CCDC102B: variants seen among roughly 807,000 people sequenced by gnomAD.
The protein encoded by CCDC102B is coiled-coil domain containing 102B.
CCDC102B carries 75 observed loss-of-function variants against 57.4 expected under a neutral mutation model. That is an observed-to-expected ratio of 1.31 (90% CI 1.08 to 1.58). The LOEUF is 1.58. Ranked by LOEUF, CCDC102B falls within the 40% of genes most tolerant of loss-of-function variation. The probability of loss-of-function intolerance (pLI) is 0.00; values close to 1 mark genes in which losing one functional copy is unlikely to be tolerated. For synonymous variants in CCDC102B, 206 were observed against 201.9 expected, an observed-to-expected ratio of 1.02 and a Z score of -0.17; for missense variants, 636 against 582.6, an observed-to-expected ratio of 1.09 and a Z score of -0.94.
chr18:68,834,426 T>C (rs2037274396), intron 1 of CCDC102B, among the ~76,000 whole-genome samples: 1 of 70,664 alleles, frequency 1.4e-5, no homozygotes, highest in Non-Finnish European at 2.6e-5. Flanking sequence ...GTTGTATATG[T>C]AAATACATAT....
intron 1 of CCDC102B, among the ~76,000 whole-genome samples, chr18:68,807,157 A>G (rs368740649): frequency 8.4e-4 from 128 of 152,254 alleles, no homozygotes; most frequent in Middle Eastern, 3.4e-3. Context: ...TCATATTTAC[A>G]TACTTATGTT....
intron 6 of CCDC102B, among the ~76,000 whole-genome samples, chr18:68,954,045 T>C (rs2049774413): frequency 6.6e-6 from 1 of 152,166 alleles, no homozygotes; most frequent in Non-Finnish European, 1.5e-5. Context: ...AATTTTAGTT[T>C]ACTAGATAAT....
chr18:69,023,077 GA>G (rs774912867), intron 7 of CCDC102B, among the ~76,000 whole-genome samples: 22 of 152,036 alleles, frequency 1.4e-4, no homozygotes, highest in Non-Finnish European at 2.8e-4. Context: ...CAAGGCAAAT[GA>G]AAAATACAAA....
intron 6 of CCDC102B, among the ~76,000 whole-genome samples, chr18:68,949,491 T>C (rs1031807798): frequency 1.3e-5 from 2 of 152,134 alleles, no homozygotes; most frequent in African/African-American, 4.8e-5. Context: ...GCTTGTTTTA[T>C]CTGAGGCACA....
intron 6 of CCDC102B, among the ~76,000 whole-genome samples, chr18:68,934,053 A>G (rs1007847525): frequency 6.6e-6 from 1 of 151,886 alleles, no homozygotes; most frequent in Admixed American, 6.6e-5. Context: ...TACTGATGAA[A>G]AATTATGTCA....
intron 2 of CCDC102B, among the ~76,000 whole-genome samples, chr18:68,773,147 T>C (rs887720629): frequency 7.2e-5 from 11 of 152,016 alleles, no homozygotes; most frequent in African/African-American, 2.7e-4. Context: ...ATTTTCATTC[T>C]TGGAAACAAC....
chr18:69,024,454 A>T (rs1203095084), intron 7 of CCDC102B, among the ~76,000 whole-genome samples: 1 of 152,090 alleles, frequency 6.6e-6, no homozygotes, highest in Non-Finnish European at 1.5e-5. Flanking sequence ...TAGAGCTATA[A>T]GTATTTGTGC....
chr18:68,828,954 C>T (rs1187304144), intron 1 of CCDC102B, among the ~76,000 whole-genome samples: 1 of 151,774 alleles, frequency 6.6e-6, no homozygotes, highest in Non-Finnish European at 1.5e-5. Flanking sequence ...TGAAAAGTGG[C>T]TTTTCTGGCT....
At chr18:68,718,962 A>G (rs1457360751) in intron 2 of CCDC102B, among the ~76,000 whole-genome samples, 2 of 152,214 alleles carry the variant, frequency 1.3e-5, no homozygotes. Flanking sequence ...TTATTTATTC[A>G]GTATACTAAT....
chr18:68,830,433 T>C (rs768396711), intron 1 of CCDC102B, among the ~76,000 whole-genome samples: 12 of 152,050 alleles, frequency 7.9e-5, no homozygotes, highest in Admixed American at 3.3e-4. Context: ...AGAAATATTT[T>C]GGCTTTTTTA....
At chr18:68,777,676 A>T (rs2086824070) in intron 2 of CCDC102B, among the ~76,000 whole-genome samples, 3 of 152,170 alleles carry the variant, frequency 2.0e-5, no homozygotes, top group South Asian at 2.1e-4. Context: ...GGTATAAATG[A>T]TAAGCTATTC....
intron 5 of CCDC102B, among the ~76,000 whole-genome samples, chr18:68,888,318 C>G (rs1004854898): frequency 2.0e-5 from 3 of 152,156 alleles, no homozygotes; most frequent in African/African-American, 7.2e-5. Flanking sequence ...GATTCTCTCA[C>G]TATTTCCCCA....
In CCDC102B at chr18:68,812,176, T is replaced by G. The variant is rs1393323278; in HGVS notation, c.-16+13995T>G. ...GGTTTACAGAAAACAAAAGCAGATT[T>G]TCATATTTCCCTTAGGAGGATTAAC... On this transcript the variant is annotated intron_variant, in intron 1 of 7. Transcript: ENST00000360242. Among the ~76,000 whole-genome samples the G allele has an allele frequency of 2.6e-5, 4 of 152,042 alleles. No individual in the cohort carries two copies. The East Asian group carries it at 7.7e-4, about 29-fold the overall frequency.
At chr18:69,049,161 G>C (rs2052640289) in intron 7 of CCDC102B, among the ~76,000 whole-genome samples, 1 of 151,804 alleles carries the variant, frequency 6.6e-6, no homozygotes, top group African/African-American at 2.4e-5. Flanking sequence ...ATCTACATTA[G>C]GTATCTCTCC....
At chr18:68,821,641 T>C (rs959041065) in intron 1 of CCDC102B, among the ~76,000 whole-genome samples, 1 of 151,824 alleles carries the variant, frequency 6.6e-6, no homozygotes, top group African/African-American at 2.4e-5. Flanking sequence ...GTTCTTTCTT[T>C]TCCTTCTTTT....
At chr18:68,930,790 G>A (rs1015628921) in intron 6 of CCDC102B, among the ~76,000 whole-genome samples, 2 of 151,808 alleles carry the variant, frequency 1.3e-5, no homozygotes, top group Non-Finnish European at 2.9e-5. Flanking sequence ...ATCTTCAATA[G>A]GCTCTATGGT....
At chr18:68,898,748 G>A (rs2040329512) in intron 6 of CCDC102B, among the ~76,000 whole-genome samples, 1 of 152,038 alleles carries the variant, frequency 6.6e-6, no homozygotes, top group Admixed American at 6.6e-5. Flanking sequence ...AGTCTATATA[G>A]GGAGTCAAAC....
intron 6 of CCDC102B, among the ~76,000 whole-genome samples, chr18:69,009,412 C>T (rs756333130): frequency 2.0e-5 from 3 of 152,196 alleles, no homozygotes; most frequent in Middle Eastern, 3.4e-3. Flanking sequence ...CCCTGGTCAC[C>T]ACTACAATTT....
At chr18:68,809,117 A>T (rs984160694) in intron 1 of CCDC102B, among the ~76,000 whole-genome samples, 27 of 152,184 alleles carry the variant, frequency 1.8e-4, no homozygotes, top group African/African-American at 5.8e-4. Flanking sequence ...ATAAAAGCAT[A>T]TCATTCAAGG....
Sources: gnomAD v4.1 joint callset for allele counts (sites outside exome capture counted in the v4.1 genomes callset) on GRCh38, gnomAD v4.1.1 for gene constraint, MANE v1.5 for transcripts, NCBI Gene and HGNC (gene_info 2026-07-23, HGNC 2026-07-21) for gene names.